The following SRGAP3 variants were observed in gnomAD, a reference collection of about 807,000 sequenced individuals.
SRGAP3 encodes SLIT-ROBO Rho GTPase activating protein 3.
A neutral mutation model predicts 121.1 loss-of-function variants in SRGAP3; 39 were observed. The observed-to-expected ratio is 0.32, with a 90% CI of 0.25 to 0.42. SRGAP3 has a LOEUF of 0.42. Ranked by LOEUF, SRGAP3 falls within the 10% of genes least tolerant of loss-of-function variation. SRGAP3 has a pLI of 1.00. For missense variants in SRGAP3, 1,213 were observed against 1,470.6 expected, an observed-to-expected ratio of 0.82 and a Z score of 2.86; for synonymous variants, 601 against 570.0, an observed-to-expected ratio of 1.05 and a Z score of -0.77.
In SRGAP3 at chr3:9,249,509, GC is replaced by G. The variant is rs1469996028; in HGVS notation, c.-559del. On this transcript the variant is annotated 5_prime_UTR_variant, in exon 1 of 22. The change creates a premature stop within an existing upstream ORF in the 5' untranslated region. Transcript: ENST00000383836. Reference sequence around the variant, plus strand: ...GCTCTGCTAAGTCGATGGTCAGGTTGCCAAAGGGCCGGTCATCTCGCATCCT... The same window carrying G: ...GCTCTGCTAAGTCGATGGTCAGGTTGCAAAGGGCCGGTCATCTCGCATCCT... The G allele has an allele frequency of 4.1e-6, 1 of 242,886 alleles. No individual in the cohort carries two copies. Among genetic ancestry groups the G allele is most frequent in the African/African-American group, 2.2e-5 (1 of 45,400 alleles). The allele number at this position is 242,886 out of a possible 1,614,324, so 15.0% of individuals were successfully genotyped here. A position where few individuals can be genotyped will look rare whatever the true frequency, so the allele number is the denominator to read the frequency against.
rs140921150 is a variant in SRGAP3 at position 9,010,487 on chromosome 3, C to T, written c.2148-100G>A. The T allele has an allele frequency of 9.3e-5, 120 of 1,290,866 alleles. No homozygotes were observed. The African/African-American group carries it at 1.2e-3, about 13-fold the overall frequency. 80.0% of individuals were successfully genotyped at this position (1,290,866 alleles called of 1,614,324 possible). On this transcript the variant is annotated intron_variant, in intron 17 of 21. Coordinates refer to ENST00000383836, the MANE Select transcript of SRGAP3 (RefSeq NM_014850.4). ...AGTCCAGTTGGCCTCTGGGCCCTCC[C>T]GCAGCTCAGATGCAGGCCTATACCA...
chr3:9,129,063 T>C (rs1438764447), intron 1 of SRGAP3, among the ~76,000 whole-genome samples: 1 of 152,190 alleles, frequency 6.6e-6, no homozygotes, highest in East Asian at 1.9e-4. Flanking sequence ...AAGACAAAAT[T>C]TAAAATTGCT....
intron 1 of SRGAP3, among the ~76,000 whole-genome samples, chr3:9,213,304 T>G (rs1323018932): frequency 6.7e-6 from 1 of 149,678 alleles, no homozygotes; most frequent in Non-Finnish European, 1.5e-5. Context: ...CATAGGCACC[T>G]GCAGTCCAAA....
At chr3:9,070,226 G>C (rs1194395102) in intron 4 of SRGAP3, among the ~76,000 whole-genome samples, 2 of 152,226 alleles carry the variant, frequency 1.3e-5, no homozygotes, top group African/African-American at 4.8e-5. Context: ...CATCCATAAA[G>C]GGACACCTGA....
intron 21 of SRGAP3, 96 bp from the exon 22 acceptor site, chr3:8,986,028 C>G: frequency 6.3e-7 from 1 of 1,581,046 alleles, no homozygotes; most frequent in South Asian, 1.1e-5. Flanking sequence ...GCAGGTTCCC[C>G]AGAAGCCTCG....
At chr3:9,013,233 A>T in intron 17 of SRGAP3, 75 bp downstream of exon 17, 1 of 1,427,426 alleles carries the variant, frequency 7.0e-7, no homozygotes, top group South Asian at 1.2e-5. Context: ...AGAAAACTGA[A>T]GGGTTTCTTA....
rs188004301 is a variant in SRGAP3 at position 8,983,556 on chromosome 3, A to G, written c.*1963T>C. On this transcript the variant is annotated 3_prime_UTR_variant, in exon 22 of 22. Coordinates refer to ENST00000383836, the MANE Select transcript of SRGAP3 (RefSeq NM_014850.4). ...AGAGGAGAGGGCACCACTTCATCCA[A>G]TGGGCTGAAATGTTAATGATGGAAT... 5.2e-5 allele frequency: 12 copies of G among 229,738 alleles called. No homozygotes were observed. The Admixed American group carries it at 6.8e-4, about 13-fold the overall frequency. 14.2% of individuals were successfully genotyped at this position (229,738 alleles called of 1,614,324 possible).
At chr3:9,208,863 C>T (rs1952350391) in intron 1 of SRGAP3, among the ~76,000 whole-genome samples, 1 of 152,200 alleles carries the variant, frequency 6.6e-6, no homozygotes, top group South Asian at 2.1e-4. Context: ...CTATCTCCAG[C>T]GTTATTGCAA....
intron 3 of SRGAP3, among the ~76,000 whole-genome samples, chr3:9,088,540 G>A (rs1271196398): frequency 6.6e-6 from 1 of 152,160 alleles, no homozygotes; most frequent in Non-Finnish European, 1.5e-5. Context: ...CCACCCGTGA[G>A]AGGCCAGTAG....
At chr3:9,058,117 A>C in intron 7 of SRGAP3, 134 bp downstream of exon 7, 1 of 908,018 alleles carries the variant, frequency 1.1e-6, no homozygotes, top group South Asian at 1.4e-5. Flanking sequence ...CAGCTGGGGA[A>C]GCCCATGAAC....
At chr3:9,023,766 C>T (rs2125064102) in intron 14 of SRGAP3, among the ~76,000 whole-genome samples, 1 of 152,270 alleles carries the variant, frequency 6.6e-6, no homozygotes, top group South Asian at 2.1e-4. Flanking sequence ...GAGCTTGGAG[C>T]AAGGAGGTCC....
intron 3 of SRGAP3, among the ~76,000 whole-genome samples, chr3:9,307,351 G>T (rs1017562318): frequency 6.6e-6 from 1 of 152,192 alleles, no homozygotes; most frequent in Non-Finnish European, 1.5e-5. Context: ...TTTAGCCTGT[G>T]AACAGCCAGG....
intron 4 of SRGAP3, among the ~76,000 whole-genome samples, chr3:9,069,538 G>A (rs758441591): frequency 2.3e-4 from 35 of 152,202 alleles, no homozygotes; most frequent in Admixed American, 4.6e-4. Flanking sequence ...TCGTAGGGAT[G>A]TGTCAGTTAA....
At chr3:9,194,854 A>G (rs79734640) in intron 1 of SRGAP3, among the ~76,000 whole-genome samples, 46 of 152,350 alleles carry the variant, frequency 3.0e-4, no homozygotes, top group African/African-American at 1.1e-3. Flanking sequence ...TTCCCAGGCC[A>G]TGTACCATCC....
intron 3 of SRGAP3, among the ~76,000 whole-genome samples, chr3:9,099,344 C>A (rs567323179): frequency 6.6e-6 from 1 of 152,166 alleles, no homozygotes; most frequent in Non-Finnish European, 1.5e-5. Flanking sequence ...ATTCACATCA[C>A]GGCCGGGGCA....
At chr3:9,230,271 G>C (rs114597409) in intron 1 of SRGAP3, among the ~76,000 whole-genome samples, 1,666 of 152,256 alleles carry the variant, frequency 0.011, 12 homozygotes, top group African/African-American at 0.025. Context: ...AAAGTCACAC[G>C]GCTAGAAAGT....
intron 21 of SRGAP3, among the ~76,000 whole-genome samples, chr3:8,988,363 C>A (rs995736253): frequency 6.6e-6 from 1 of 152,188 alleles, no homozygotes; most frequent in Non-Finnish European, 1.5e-5. Flanking sequence ...CCCTTTGCAG[C>A]CTGCAAAGTC....
intron 1 of SRGAP3, chr3:9,348,325 T>A: frequency 5.2e-6 from 2 of 385,224 alleles, no homozygotes; most frequent in Non-Finnish European, 9.8e-6. Context: ...AGACAAAGAG[T>A]GAAAAGAAGA....
At chr3:9,160,437 A>G (rs1433539710) in intron 1 of SRGAP3, among the ~76,000 whole-genome samples, 2 of 152,234 alleles carry the variant, frequency 1.3e-5, no homozygotes, top group Non-Finnish European at 2.9e-5. Context: ...AGGATGCTCA[A>G]GCAGCCCTAT....
Sources: allele counts gnomAD v4.1 joint callset (sites outside exome capture counted in the v4.1 genomes callset), GRCh38; gene constraint gnomAD v4.1.1; transcripts MANE v1.5; gene names NCBI Gene and HGNC (gene_info 2026-07-23, HGNC 2026-07-21).